Variants in TMEM132C observed in about 807,000 individuals in gnomAD.
TMEM132C encodes protein phosphatase 1, regulatory subunit 152.
A neutral mutation model predicts 61.4 loss-of-function variants in TMEM132C; 29 were observed. That is an observed-to-expected ratio of 0.47 (90% CI 0.35 to 0.64). The LOEUF (loss-of-function observed/expected upper bound fraction) is 0.64, where lower values mean the gene tolerates loss of function less well. Ranked by LOEUF, TMEM132C falls within the 30% of genes least tolerant of loss-of-function variation. The probability of loss-of-function intolerance (pLI) is 0.00; values close to 1 mark genes in which losing one functional copy is unlikely to be tolerated. For synonymous variants in TMEM132C, 656 were observed against 633.1 expected (o/e 1.04, Z -0.54); for missense variants, 1,408 against 1,476.9 (o/e 0.95, Z 0.76).
At position 128,581,243 on chromosome 12, in the gene TMEM132C, C is replaced by A. The variant is rs868273271; in HGVS notation, c.1122-34909C>A. Among the ~76,000 whole-genome samples the A allele has an allele frequency of 2.0e-5, 3 of 151,962 alleles. No homozygotes were observed. The South Asian group carries it at 6.2e-4, about 32-fold the overall frequency. ...CATATCAAAACGCTGTTGGAATCCC[C>A]ATTCCGGGAATCTTTTTTTTTTTTT... is the stretch of plus-strand genomic sequence containing the variant. On this transcript the variant is annotated intron_variant, in intron 3 of 8. Coordinates refer to ENST00000435159, the MANE Select transcript of TMEM132C (RefSeq NM_001136103.3).
intron 2 of TMEM132C, among the ~76,000 whole-genome samples, chr12:128,484,742 A>G (rs1224383930): frequency 2.6e-5 from 4 of 152,160 alleles, no homozygotes; most frequent in African/African-American, 9.7e-5. Flanking sequence ...AGATTGCTTG[A>G]GCCCAGGAGT....
intron 2 of TMEM132C, among the ~76,000 whole-genome samples, chr12:128,433,581 A>ATAAG (rs1263441238): frequency 6.6e-6 from 1 of 152,224 alleles, no homozygotes; most frequent in African/African-American, 2.4e-5. Context: ...AAAAAATTAG[A>ATAAG]TAAGTTTTCC....
At chr12:128,577,997 T>C (rs1875181893) in intron 3 of TMEM132C, among the ~76,000 whole-genome samples, 1 of 152,268 alleles carries the variant, frequency 6.6e-6, no homozygotes, top group Non-Finnish European at 1.5e-5. Context: ...TTGTCTTGTA[T>C]ATTCAAATTA....
rs112071347 is a variant in TMEM132C at position 128,485,279 on chromosome 12, C to T, written c.975-58678C>T. On this transcript the variant is annotated intron_variant, in intron 2 of 8. Transcript: ENST00000435159. Reference sequence around the variant, plus strand: ...GCAACCTCCGCCTCGCAGGTTCAAGCAATTCTCCTGCCTCAGCCTCCCGAG... The same window carrying T: ...GCAACCTCCGCCTCGCAGGTTCAAGTAATTCTCCTGCCTCAGCCTCCCGAG... Among the ~76,000 whole-genome samples the T allele has an allele frequency of 1.6e-4, 25 of 152,302 alleles. 1 individual carries two copies. Among genetic ancestry groups the T allele is most frequent in the African/African-American group, 5.8e-4 (24 of 41,550 alleles).
chr12:128,334,481 T>C (rs1014459320), intron 1 of TMEM132C, among the ~76,000 whole-genome samples: 2 of 152,254 alleles, frequency 1.3e-5, no homozygotes, highest in African/African-American at 2.4e-5. Context: ...AGAAGACGTT[T>C]AACATTTACT....
rs75392376 is a variant in TMEM132C, at chr12:128,570,291, C to A, written c.1121+26188C>A. Among the ~76,000 whole-genome samples the A allele has an allele frequency of 0.015, 2,220 of 152,252 alleles. 41 individuals are homozygous for A. Among genetic ancestry groups the A allele is most frequent in the African/African-American group, 0.04 (1,658 of 41,530 alleles). ...ATTCTGACACTTAGGTGAAGCACAG[C>A]CACTGGGGATGTGCTTTCTCTTGTC... is the stretch of plus-strand genomic sequence containing the variant. On this transcript the variant is annotated intron_variant, in intron 3 of 8. Transcript: ENST00000435159. The surrounding 1 kb of genome is among the most constrained non-coding windows in gnomAD (Gnocchi z 4.7).
At chr12:128,702,278 T>A (rs1002231995) in intron 8 of TMEM132C, among the ~76,000 whole-genome samples, 2 of 152,246 alleles carry the variant, frequency 1.3e-5, no homozygotes, top group South Asian at 2.1e-4. Context: ...AATTTCTTTT[T>A]AATTTTATTT....
rs1471880170 is a variant in TMEM132C, at chr12:128,340,330, C to CT, written c.85+72844dup. Among the ~76,000 whole-genome samples, 36 of 152,140 alleles carry CT rather than the reference C, an allele frequency of 2.4e-4. 1 individual carries two copies. Among genetic ancestry groups the CT allele is most frequent in the African/African-American group, 8.0e-4 (33 of 41,420 alleles). ...AATTTTGCTTATCTGCTTGAATACTCTATCGGTGCTTCTTTCTTCTGAGTT... is the reference window on the plus strand; with the variant it reads ...AATTTTGCTTATCTGCTTGAATACTCTTATCGGTGCTTCTTTCTTCTGAGTT... On this transcript the variant is annotated intron_variant, in intron 1 of 8. Coordinates refer to ENST00000435159, the MANE Select transcript of TMEM132C (RefSeq NM_001136103.3).
chr12:128,536,660 C>A (rs1333430779), intron 2 of TMEM132C, among the ~76,000 whole-genome samples: 1 of 152,114 alleles, frequency 6.6e-6, no homozygotes, highest in Non-Finnish European at 1.5e-5. Context: ...ATGGGGACCC[C>A]CTGGTAATCA....
intron 2 of TMEM132C, among the ~76,000 whole-genome samples, chr12:128,532,805 T>C (rs770877709): frequency 4.1e-4 from 63 of 152,116 alleles, no homozygotes; most frequent in Non-Finnish European, 8.4e-4. Flanking sequence ...CTGTCTACCC[T>C]CCGGTGAGCA....
intron 1 of TMEM132C, among the ~76,000 whole-genome samples, chr12:128,279,638 A>C (rs951865146): frequency 6.6e-6 from 1 of 152,152 alleles, no homozygotes; most frequent in African/African-American, 2.4e-5. Flanking sequence ...GCCTTTGCAC[A>C]TGCCTACTGT....
At chr12:128,678,879 G>T (rs1954613383) in intron 5 of TMEM132C, among the ~76,000 whole-genome samples, 1 of 152,198 alleles carries the variant, frequency 6.6e-6, no homozygotes, top group Non-Finnish European at 1.5e-5. Context: ...TCCTGTGGGA[G>T]GACGCTCATT....
intron 4 of TMEM132C, among the ~76,000 whole-genome samples, chr12:128,663,231 A>G (rs2135622497): frequency 6.6e-6 from 1 of 152,330 alleles, no homozygotes; most frequent in South Asian, 2.1e-4. Context: ...CGTCGTACCC[A>G]TTACCAGTCA....
chr12:128,347,379 A>G (rs890068786), intron 1 of TMEM132C, among the ~76,000 whole-genome samples: 11 of 141,804 alleles, frequency 7.8e-5, no homozygotes, highest in South Asian at 2.2e-4. Context: ...TTATGCTGCC[A>G]TAAGCATGCA....
intron 1 of TMEM132C, among the ~76,000 whole-genome samples, chr12:128,341,545 A>G (rs140657568): frequency 6.6e-6 from 1 of 152,232 alleles, no homozygotes; most frequent in Non-Finnish European, 1.5e-5. Context: ...TCGGAAAAAA[A>G]TATATTACGC....
intron 3 of TMEM132C, among the ~76,000 whole-genome samples, chr12:128,600,765 G>A (rs529882606): frequency 1.3e-5 from 2 of 152,332 alleles, no homozygotes; most frequent in South Asian, 2.1e-4. Flanking sequence ...ATGCGCTTCT[G>A]CACCTCTCCC....
intron 1 of TMEM132C, among the ~76,000 whole-genome samples, chr12:128,306,819 C>T (rs933311711): frequency 2.0e-5 from 3 of 152,012 alleles, no homozygotes; most frequent in African/African-American, 7.3e-5. Context: ...TAAATTATTG[C>T]TGAAATGTGA....
At chr12:128,654,463 A>T (rs578190558) in intron 4 of TMEM132C, among the ~76,000 whole-genome samples, 1 of 152,324 alleles carries the variant, frequency 6.6e-6, no homozygotes, top group South Asian at 2.1e-4. Flanking sequence ...CAGTCGTTGT[A>T]TGCCATCCCG....
intron 4 of TMEM132C, among the ~76,000 whole-genome samples, chr12:128,628,151 T>A (rs891143558): frequency 2.0e-4 from 30 of 152,286 alleles, no homozygotes; most frequent in African/African-American, 7.0e-4. Flanking sequence ...CACACCTGGA[T>A]GTATCATCTG....
Sources: allele counts gnomAD v4.1 joint callset (sites outside exome capture counted in the v4.1 genomes callset), GRCh38; gene constraint gnomAD v4.1.1; non-coding constraint Gnocchi (gnomAD v3.1); transcripts MANE v1.5; gene names NCBI Gene and HGNC (gene_info 2026-07-23, HGNC 2026-07-21).